The following ZNF385C variants were observed in gnomAD, a reference collection of about 807,000 sequenced individuals.
The protein encoded by ZNF385C is zinc finger protein 385C, also known as CTD-2132N18.2.
In ZNF385C, 28 loss-of-function variants were observed where a neutral mutation model predicts 35.4. The ratio of observed to expected loss-of-function variants is 0.79; its 90% CI spans 0.59 to 1.08. The LOEUF (loss-of-function observed/expected upper bound fraction) is 1.08, where lower values mean the gene tolerates loss of function less well. ZNF385C is among the 50% of genes least tolerant of loss of function. The pLI is 0.00. For missense variants in ZNF385C, 605 were observed against 595.6 expected, an observed-to-expected ratio of 1.02 and a Z score of -0.16; for synonymous variants, 248 against 248.2, an observed-to-expected ratio of 1.00 and a Z score of 0.01.
At chr17:42,089,970 T>G (rs1555660388) in intron 1 of ZNF385C, among the ~76,000 whole-genome samples, 2 of 152,232 alleles carry the variant, frequency 1.3e-5, no homozygotes, top group East Asian at 3.8e-4. Flanking sequence ...TTAAAATGTT[T>G]GCATTCAAAA....
chr17:42,072,033 G>A (rs946876081), intron 1 of ZNF385C, among the ~76,000 whole-genome samples: 7 of 152,164 alleles, frequency 4.6e-5, no homozygotes, highest in African/African-American at 1.4e-4. Context: ...AGGAAGGGGC[G>A]GGACAGGAAG....
rs1049186038 is a variant in ZNF385C, at chr17:42,062,896, G to T, written c.161C>A (p.Ser54Ter). 1.5e-6 allele frequency: 1 copy of T among 682,186 alleles called. No homozygotes were observed. Among genetic ancestry groups the T allele is most frequent in the East Asian group, 2.8e-5 (1 of 35,774 alleles). The allele number at this position is 682,186 out of a possible 1,614,324, so 42.3% of individuals were successfully genotyped here. ...LCDVCNIQLN[S>*]AAQAQVHCGG... ...ACAGTGCACCTGGGCCTGGGCCGCC[G>T]AGTTCAGCTGGATGTTGCAGACATC... Residue 54 changes from serine to a stop codon, truncating the protein, a stop_gained, in exon 2 of 9, where the codon TCG (serine) becomes TAG (stop). Coordinates refer to ENST00000692273, the MANE Select transcript of ZNF385C (RefSeq NM_001392013.1). LOFTEE classifies it high-confidence loss of function.
intron 2 of ZNF385C, chr17:42,039,617 C>T (rs1475100698): frequency 1.2e-4 from 144 of 1,158,032 alleles, no homozygotes; most frequent in Non-Finnish European, 1.5e-4. Flanking sequence ...GTCAGCAGAT[C>T]ATCTTGGGTG....
chr17:42,055,603 A>ATG (rs2053361691), intron 2 of ZNF385C, among the ~76,000 whole-genome samples: 2 of 152,112 alleles, frequency 1.3e-5, no homozygotes, highest in Admixed American at 1.3e-4. Context: ...AGGCCTCAGT[A>ATG]TGTGTGTGGG....
chr17:42,026,616 G>C lies in ZNF385C; in HGVS notation c.*281C>G. ...GGGTCTTGGGTGGAGGAAAGTGAGA[G>C]CACCACATGGCTGGGGCTGAGATTT... On this transcript the variant is annotated 3_prime_UTR_variant, in exon 9 of 9. Coordinates refer to ENST00000692273, the MANE Select transcript of ZNF385C (RefSeq NM_001392013.1). 1 of 495,324 alleles carries C rather than the reference G, an allele frequency of 2.0e-6. No individual in the cohort carries two copies. Among genetic ancestry groups the C allele is most frequent in the Admixed American group, 3.5e-5 (1 of 28,470 alleles). The allele number at this position is 495,324 out of a possible 1,614,324, so 30.7% of individuals were successfully genotyped here.
At chr17:42,068,379 G>A (rs1445036085) in intron 1 of ZNF385C, among the ~76,000 whole-genome samples, 6 of 152,160 alleles carry the variant, frequency 3.9e-5, no homozygotes, top group African/African-American at 1.2e-4. Context: ...ATGGAAAGAC[G>A]ATGCATGAGC....
At chr17:42,039,110 GC>G (rs576141198) in intron 2 of ZNF385C, 16 of 152,328 alleles carry the variant, frequency 1.1e-4, no homozygotes, top group African/African-American at 3.6e-4. Flanking sequence ...AGTTAGCCAG[GC>G]ATGGTGGCAG....
chr17:42,039,846 ACT>A, intron 2 of ZNF385C: 1 of 1,230,766 alleles, frequency 8.1e-7, no homozygotes, highest in Non-Finnish European at 1.0e-6. Flanking sequence ...CCCCGGCCCC[ACT>A]CTGCCCCCAC....
chr17:42,058,397 C>A (rs2053412783), intron 2 of ZNF385C, among the ~76,000 whole-genome samples: 1 of 152,256 alleles, frequency 6.6e-6, no homozygotes, highest in African/African-American at 2.4e-5. Flanking sequence ...GCCCCGGACA[C>A]TGAGTGCCTA....
intron 2 of ZNF385C, among the ~76,000 whole-genome samples, chr17:42,060,731 T>G (rs1233670296): frequency 6.6e-6 from 1 of 152,164 alleles, no homozygotes; most frequent in Non-Finnish European, 1.5e-5. Context: ...TTTTATTTTT[T>G]TTGAGACAGG....
intron 2 of ZNF385C, among the ~76,000 whole-genome samples, chr17:42,045,070 A>G (rs979560140): frequency 2.6e-5 from 4 of 152,292 alleles, no homozygotes; most frequent in South Asian, 4.1e-4. Context: ...GGCACCCGCC[A>G]TCACGCCCGG....
At chr17:42,033,019 C>G (rs1255226245) in intron 4 of ZNF385C, among the ~76,000 whole-genome samples, 2 of 152,096 alleles carry the variant, frequency 1.3e-5, no homozygotes, top group Non-Finnish European at 2.9e-5. Flanking sequence ...CCACCACGCC[C>G]AGCCTCTCCT....
At chr17:42,088,296 G>A (rs1264590370) in intron 1 of ZNF385C, among the ~76,000 whole-genome samples, 2 of 152,224 alleles carry the variant, frequency 1.3e-5, no homozygotes, top group Non-Finnish European at 2.9e-5. Flanking sequence ...CAAACCTGAG[G>A]TCTGTCTCCC....
intron 1 of ZNF385C, among the ~76,000 whole-genome samples, chr17:42,072,664 A>G (rs911125251): frequency 7.2e-5 from 11 of 152,114 alleles, no homozygotes; most frequent in African/African-American, 2.6e-4. Context: ...CGGGACAGCC[A>G]CAGCGTCTCC....
At chr17:42,048,621 C>T (rs1555656846) in intron 2 of ZNF385C, among the ~76,000 whole-genome samples, 4 of 152,182 alleles carry the variant, frequency 2.6e-5, no homozygotes, top group Non-Finnish European at 4.4e-5. Context: ...CATCCTTCTT[C>T]CTAGGTGCCC....
At chr17:42,083,289 GC>G (rs2053768491) in intron 1 of ZNF385C, among the ~76,000 whole-genome samples, 1 of 149,186 alleles carries the variant, frequency 6.7e-6, no homozygotes, top group South Asian at 2.1e-4. Flanking sequence ...TGCAAGCTCT[GC>G]CCCCCGGGTT....
intron 1 of ZNF385C, among the ~76,000 whole-genome samples, chr17:42,073,704 C>T (rs1456660435): frequency 1.3e-5 from 2 of 152,174 alleles, no homozygotes; most frequent in Non-Finnish European, 2.9e-5. Flanking sequence ...GCTGGTGGCA[C>T]GACCTCCTAA....
At chr17:42,043,381 GCT>G in intron 2 of ZNF385C, 1 of 1,232,216 alleles carries the variant, frequency 8.1e-7, no homozygotes, top group Non-Finnish European at 1.0e-6. Context: ...CACCATTCTT[GCT>G]CTCTCAGCAA....
intron 2 of ZNF385C, chr17:42,038,705 T>C (rs2143621439): frequency 6.6e-6 from 1 of 152,376 alleles, no homozygotes; most frequent in South Asian, 2.1e-4. Flanking sequence ...GGTAACACTA[T>C]GAAAGATAGC....
Sources: gnomAD v4.1 joint callset for allele counts (sites outside exome capture counted in the v4.1 genomes callset) on GRCh38, gnomAD v4.1.1 for gene constraint, MANE v1.5 for transcripts, NCBI Gene and HGNC (gene_info 2026-07-23, HGNC 2026-07-21) for gene names.